PTPN1: variants seen among roughly 807,000 people sequenced by gnomAD.
PTPN1 encodes the protein tyrosine-protein phosphatase non-receptor type 1.
A neutral mutation model predicts 59.9 loss-of-function variants in PTPN1; 12 were observed. That is an observed-to-expected ratio of 0.20 (90% CI 0.13 to 0.32). The LOEUF (loss-of-function observed/expected upper bound fraction) is 0.32. Among genes scored for constraint, PTPN1 ranks in the 10% least tolerant of loss-of-function variants. The pLI, the probability that PTPN1 is intolerant of heterozygous loss-of-function variation, is 1.00. For synonymous variants in PTPN1, 178 were observed against 203.6 expected (o/e 0.87, Z 1.07); for missense variants, 356 against 549.2 (o/e 0.65, Z 3.52).
At chr20:50,530,729 G>T (rs1373894037) in intron 1 of PTPN1, among the ~76,000 whole-genome samples, 1 of 147,742 alleles carries the variant, frequency 6.8e-6, no homozygotes, top group Admixed American at 6.8e-5. Context: ...GTTTCACTCT[G>T]TCACCCAGGC....
intron 1 of PTPN1, among the ~76,000 whole-genome samples, chr20:50,526,778 A>G (rs1210277662): frequency 6.6e-6 from 1 of 151,918 alleles, no homozygotes; most frequent in Non-Finnish European, 1.5e-5. Context: ...GACTGTGGTC[A>G]GTCACTTTAG....
intron 1 of PTPN1, 133 bp from the exon 2 acceptor site, chr20:50,561,230 C>T (rs551448892): frequency 3.0e-6 from 2 of 664,732 alleles, no homozygotes; most frequent in Admixed American, 6.5e-5. Flanking sequence ...GGTTTTCCCC[C>T]ATGGCCTGGT....
rs1568799994 is a variant in PTPN1 at position 50,582,202 on chromosome 20, C to T, written c.1285-490C>T. Among the ~76,000 whole-genome samples, 1 of 152,248 alleles carries T rather than the reference C, an allele frequency of 6.6e-6. No homozygotes were observed. Among genetic ancestry groups the T allele is most frequent in the Non-Finnish European group, 1.5e-5 (1 of 68,044 alleles). ...GCCATCTTGCTCATGTACCAGCCCT[C>T]ATCACCCCATCCCCATAAATGGGTG... On this transcript the variant is annotated intron_variant, in intron 9 of 9. Coordinates refer to ENST00000371621, the MANE Select transcript of PTPN1 (RefSeq NM_002827.4). This position sits in a 1 kb window ranked among gnomAD's most constrained non-coding sequence, Gnocchi z 4.2.
At chr20:50,569,449 C>T (rs1268297316) in intron 4 of PTPN1, among the ~76,000 whole-genome samples, 2 of 152,234 alleles carry the variant, frequency 1.3e-5, no homozygotes, top group African/African-American at 2.4e-5. Context: ...CTGCCCTCCT[C>T]ACTCTGTTGG....
chr20:50,539,336 T>G (rs998219830), intron 1 of PTPN1, among the ~76,000 whole-genome samples: 3 of 152,162 alleles, frequency 2.0e-5, no homozygotes, highest in Non-Finnish European at 4.4e-5. Context: ...GCGCCCAGCC[T>G]CTTCTCTCAA....
chr20:50,510,389 A>C lies in PTPN1; in HGVS notation c.-139A>C, dbSNP rs377261839. On this transcript the variant is annotated 5_prime_UTR_variant, in exon 1 of 10. Coordinates refer to ENST00000371621, the MANE Select transcript of PTPN1 (RefSeq NM_002827.4). ...GTTCCGGCTGCCGGTTGACATGAAG[A>C]AGCAGCAGCGGCTAGGGCGGCGGTA... 866 of 873,610 alleles carry C rather than the reference A, an allele frequency of 9.9e-4. 4 individuals are homozygous for C. The South Asian group carries it at 0.012, about 12-fold the overall frequency. The allele number at this position is 873,610 out of a possible 1,614,324, so 54.1% of individuals were successfully genotyped here. A position where few individuals can be genotyped will look rare whatever the true frequency, so the allele number is the denominator to read the frequency against.
At chr20:50,539,026 CTTTTT>C (rs71190576) in intron 1 of PTPN1, among the ~76,000 whole-genome samples, 74 of 85,304 alleles carry the variant, frequency 8.7e-4, no homozygotes, top group African/African-American at 3.1e-3. Context: ...CTTCTCAATT[CTTTTT>C]TTTTTTTTTT....
intron 4 of PTPN1, among the ~76,000 whole-genome samples, chr20:50,570,029 C>T (rs2082800071): frequency 1.3e-5 from 2 of 152,232 alleles, no homozygotes; most frequent in Non-Finnish European, 2.9e-5. Context: ...AGCTAGGACA[C>T]GGCTCTCACA....
intron 1 of PTPN1, among the ~76,000 whole-genome samples, chr20:50,539,139 G>A (rs1365539456): frequency 3.4e-5 from 5 of 147,954 alleles, no homozygotes; most frequent in African/African-American, 7.5e-5. Flanking sequence ...GGGTTTAAGC[G>A]ACTCTCCTGC....
intron 1 of PTPN1, among the ~76,000 whole-genome samples, chr20:50,514,591 C>A (rs919314472): frequency 6.6e-6 from 1 of 152,112 alleles, no homozygotes; most frequent in Non-Finnish European, 1.5e-5. Flanking sequence ...GTCTTGAACT[C>A]CTGGCTTCAA....
At position 50,510,609 on chromosome 20, in the gene PTPN1, G is replaced by A. The variant is rs1307625520; in HGVS notation, c.63+19G>A. 1.9e-6 allele frequency: 3 copies of A among 1,550,100 alleles called. No homozygotes were observed. Among genetic ancestry groups the A allele is most frequent in the Non-Finnish European group, 1.7e-6 (2 of 1,146,234 alleles). On this transcript the variant is annotated intron_variant, in intron 1 of 9. Coordinates refer to ENST00000371621, the MANE Select transcript of PTPN1 (RefSeq NM_002827.4). ...TTACCAGGTGCGGGAGCGCCCCGGA[G>A]CGTGGCGGGCCCTTCGCTTAGGCCG...
intron 1 of PTPN1, among the ~76,000 whole-genome samples, chr20:50,536,038 A>G (rs770217140): frequency 1.3e-5 from 2 of 152,208 alleles, no homozygotes; most frequent in Non-Finnish European, 2.9e-5. Context: ...AATTTAAGGT[A>G]TGTTTTCCTG....
At position 50,554,636 on chromosome 20, in the gene PTPN1, CAT is replaced by C. The variant is rs544125311; in HGVS notation, c.64-6724_64-6723del. 5.8e-4 allele frequency among the ~76,000 whole-genome samples: 87 copies of C among 151,300 alleles called. No individual in the cohort carries two copies. In the East Asian group the frequency reaches 6.4e-3, roughly 11 times the overall value. The stretch of plus-strand genomic sequence containing the variant: ...ATTTAAAGCAAAAATAAAAATACAT[CAT>C]ATTTATAACATAGAAATAAAAAATG... On this transcript the variant is annotated intron_variant, in intron 1 of 9. Transcript: ENST00000371621.
At chr20:50,569,413 A>G (rs2082795491) in intron 4 of PTPN1, among the ~76,000 whole-genome samples, 9 of 152,154 alleles carry the variant, frequency 5.9e-5, no homozygotes, top group Admixed American at 5.9e-4. Flanking sequence ...GGCTGCCCCC[A>G]GCTCCCCAAC....
rs1220134648 is a variant in PTPN1, at chr20:50,568,935, C to T, written c.354+457C>T. The stretch of plus-strand genomic sequence containing the variant: ...GATGAGATTTGCCTCCATTCAGTAC[C>T]TAGACTCTTGCCCTGCCACACCTCT... On this transcript the variant is annotated intron_variant, in intron 4 of 9. Transcript: ENST00000371621. This position sits in a 1 kb window ranked among gnomAD's most constrained non-coding sequence, Gnocchi z 5.6. Among the ~76,000 whole-genome samples the T allele has an allele frequency of 6.6e-6, 1 of 152,160 alleles. No individual in the cohort carries two copies.
At position 50,567,150 on chromosome 20, in the gene PTPN1, G is replaced by A. The variant is rs367898490; in HGVS notation, c.256-1230G>A. ...TTAAAGAATAAGGAGCTTATGGGCC[G>A]GGGACGGTGGCTTACGCCTGTAATC... On this transcript the variant is annotated intron_variant, in intron 3 of 9. Transcript: ENST00000371621. Among the ~76,000 whole-genome samples, 11 of 152,316 alleles carry A rather than the reference G, an allele frequency of 7.2e-5. No individual in the cohort carries two copies. In the East Asian group the frequency reaches 1.2e-3, roughly 16 times the overall value.
At chr20:50,579,116 T>G in intron 6 of PTPN1, 52 bp from the exon 7 acceptor site, 1 of 1,576,136 alleles carries the variant, frequency 6.3e-7, no homozygotes, top group Non-Finnish European at 8.7e-7. Flanking sequence ...GTTATTAACG[T>G]TGCCCTTGAG....
intron 1 of PTPN1, among the ~76,000 whole-genome samples, chr20:50,541,405 A>G (rs896970585): frequency 1.3e-5 from 2 of 152,158 alleles, no homozygotes; most frequent in Admixed American, 1.3e-4. Flanking sequence ...TGTCTGCATA[A>G]TTGTGCTGTG....
chr20:50,561,298 T>C (rs2082751417), intron 1 of PTPN1, 65 bp from the exon 2 acceptor site: 1 of 1,238,212 alleles, frequency 8.1e-7, no homozygotes, highest in Non-Finnish European at 1.2e-6. Flanking sequence ...CTTTGATGTC[T>C]GTTTCTTTGC....
Sources: gnomAD v4.1 joint callset for allele counts (sites outside exome capture counted in the v4.1 genomes callset) on GRCh38, gnomAD v4.1.1 for gene constraint, Gnocchi (gnomAD v3.1) non-coding constraint, MANE v1.5 for transcripts, NCBI Gene and HGNC (gene_info 2026-07-23, HGNC 2026-07-21) for gene names.